Variants in COLEC12 observed in about 807,000 individuals in gnomAD.
The protein encoded by COLEC12 is collectin subfamily member 12.
A neutral mutation model predicts 71.1 loss-of-function variants in COLEC12; 33 were observed. The ratio of observed to expected loss-of-function variants is 0.46; its 90% CI spans 0.35 to 0.62. The LOEUF (loss-of-function observed/expected upper bound fraction) is 0.62, where lower values mean the gene tolerates loss of function less well. Among genes scored for constraint, COLEC12 ranks in the 20% least tolerant of loss-of-function variants. COLEC12 has a pLI of 0.00. For missense variants in COLEC12, 765 were observed against 916.1 expected (o/e 0.84, Z 2.13); for synonymous variants, 350 against 353.0 (o/e 0.99, Z 0.10).
rs1257210798 is a variant in COLEC12 at position 357,267 on chromosome 18, G to A, written c.181+133C>T. 5.0e-6 allele frequency: 4 copies of A among 800,758 alleles called. No homozygotes were observed. In the Admixed American group the frequency reaches 9.0e-5, roughly 18 times the overall value. 49.6% of individuals were successfully genotyped at this position (800,758 alleles called of 1,614,324 possible). A position where few individuals can be genotyped will look rare whatever the true frequency, so the allele number is the denominator to read the frequency against. On this transcript the variant is annotated intron_variant, in intron 3 of 9. Transcript: ENST00000400256. ...TGTAAGTTTAAGATACAGAGATGAA[G>A]TTTATCATGTTGTTATTTTGCATCT... is the stretch of plus-strand genomic sequence containing the variant.
At chr18:321,049 G>A (rs1344534693) in intron 9 of COLEC12, among the ~76,000 whole-genome samples, 2 of 152,100 alleles carry the variant, frequency 1.3e-5, no homozygotes, top group East Asian at 1.9e-4. Flanking sequence ...ACTAACATTG[G>A]TGCTATATCT....
At chr18:372,746 A>G (rs2143539652) in intron 2 of COLEC12, among the ~76,000 whole-genome samples, 1 of 152,252 alleles carries the variant, frequency 6.6e-6, no homozygotes, top group East Asian at 1.9e-4. Context: ...GACACAGGAT[A>G]ATATGATTCA....
chr18:499,745 C>T (rs79173492), intron 1 of COLEC12, among the ~76,000 whole-genome samples: 4,780 of 152,338 alleles, frequency 0.031, 134 homozygotes, highest in Non-Finnish European at 0.047. Flanking sequence ...CAGAAGGCTG[C>T]CCTGCAGTCC....
At chr18:464,134 T>C (rs1352013872) in intron 2 of COLEC12, among the ~76,000 whole-genome samples, 2 of 152,186 alleles carry the variant, frequency 1.3e-5, no homozygotes, top group African/African-American at 4.8e-5. Flanking sequence ...CAATTTCCTC[T>C]TGTCTGGACT....
At chr18:490,701 C>T (rs991099366) in intron 1 of COLEC12, among the ~76,000 whole-genome samples, 8 of 152,282 alleles carry the variant, frequency 5.3e-5, no homozygotes, top group Non-Finnish European at 8.8e-5. Context: ...GAAAATGCCC[C>T]CAAAGAGCCA....
In COLEC12 at chr18:348,086, C is replaced by T; in HGVS notation, c.259G>A (p.Glu87Lys). Residue 87 changes from glutamate to lysine, a missense_variant, in exon 4 of 10, where the codon GAA becomes AAA. Coordinates refer to ENST00000400256, the MANE Select transcript of COLEC12 (RefSeq NM_130386.3). ...TTACCTAATTTTTTCAGGTCACTTT[C>T]CACTGCTGTGAGCTTGTCATCATAG... ...QTYDDKLTAV[E>K]SDLKKLGDQT... 1 of 1,613,138 alleles carries T rather than the reference C, an allele frequency of 6.2e-7. No individual in the cohort carries two copies. Among genetic ancestry groups the T allele is most frequent in the Non-Finnish European group, 8.5e-7 (1 of 1,179,360 alleles).
At chr18:425,514 C>G (rs866977511) in intron 2 of COLEC12, among the ~76,000 whole-genome samples, 1 of 152,256 alleles carries the variant, frequency 6.6e-6, no homozygotes, top group Admixed American at 6.5e-5. Context: ...TCCTGAGAGT[C>G]CCCCCAGGCT....
rs1487697803 is a variant in COLEC12, at chr18:319,327, A to AT, written c.*717_*718insA. The AT allele has an allele frequency of 2.5e-4, 1 of 3,982 alleles. No individual in the cohort carries two copies. Among genetic ancestry groups the AT allele is most frequent in the African/African-American group, 3.8e-4 (1 of 2,646 alleles). 0.2% of individuals were successfully genotyped at this position (3,982 alleles called of 1,614,324 possible). ...CTCTGAGGAAATGAAACATTAAAAAAAAAAAAAAAAAAAAATATATATATA... is the reference window on the plus strand; with the variant it reads ...CTCTGAGGAAATGAAACATTAAAAAATAAAAAAAAAAAAAAATATATATATA... On this transcript the variant is annotated 3_prime_UTR_variant, in exon 10 of 10. Coordinates refer to ENST00000400256, the MANE Select transcript of COLEC12 (RefSeq NM_130386.3).
chr18:434,119 A>C (rs1272627657), intron 2 of COLEC12, among the ~76,000 whole-genome samples: 1 of 152,254 alleles, frequency 6.6e-6, no homozygotes, highest in Non-Finnish European at 1.5e-5. Context: ...CATTACGCTT[A>C]TATGAGGTCA....
Position 473,193 on chromosome 18 carries a change from C to T in COLEC12, c.58+7514G>A, listed in dbSNP as rs541438070. ...CTTGCTTCCTGGGCACCACCTCCCC[C>T]GCAAGCCCACAGTGTAGACTGAACA... On this transcript the variant is annotated intron_variant, in intron 2 of 9. Coordinates refer to ENST00000400256, the MANE Select transcript of COLEC12 (RefSeq NM_130386.3). Among the ~76,000 whole-genome samples the T allele has an allele frequency of 1.1e-3, 161 of 152,168 alleles. 1 individual carries two copies. The highest frequency in any genetic ancestry group is 1.1e-3 in the Non-Finnish European group (73 of 68,004).
In COLEC12 at chr18:331,742, GCT is replaced by G; in HGVS notation, c.1987_1988del (p.Ser663ProfsTer11). 1 of 1,613,822 alleles carries G rather than the reference GCT, an allele frequency of 6.2e-7. No homozygotes were observed. The highest frequency in any genetic ancestry group is 8.5e-7 in the Non-Finnish European group (1 of 1,179,708). ...WIKKQMVGRESHWIGLTDSER... is the reference protein window; with the variant it reads ...WIKKQMVGREXHWIGLTDSER... The stretch of plus-strand genomic sequence containing the variant: ...CTGAGTCTGTGAGGCCGATCCAGTG[GCT>G]CTCTCTCCCTACCATCTGTTTTTTT... On this transcript the variant is annotated frameshift_variant, in exon 8 of 10. Coordinates refer to ENST00000400256, the MANE Select transcript of COLEC12 (RefSeq NM_130386.3). LOFTEE classifies it high-confidence loss of function.
rs1053359455 is a variant in COLEC12 at position 362,904 on chromosome 18, C to T, written c.59-5382G>A. Among the ~76,000 whole-genome samples, 7 of 152,194 alleles carry T rather than the reference C, an allele frequency of 4.6e-5. No individual in the cohort carries two copies. The highest frequency in any genetic ancestry group is 1.3e-4 in the Admixed American group (2 of 15,272). ...TGTGGGGGCCCAGTGAAGCCAAAATCGCTCTGGTTAACTCCTTGAGTATTC... is the reference window on the plus strand; with the variant it reads ...TGTGGGGGCCCAGTGAAGCCAAAATTGCTCTGGTTAACTCCTTGAGTATTC... On this transcript the variant is annotated intron_variant, in intron 2 of 9. Coordinates refer to ENST00000400256, the MANE Select transcript of COLEC12 (RefSeq NM_130386.3). The surrounding 1 kb of genome is among the most constrained non-coding windows in gnomAD (Gnocchi z 4.6).
chr18:423,368 AG>A (rs1362465223), intron 2 of COLEC12, among the ~76,000 whole-genome samples: 1 of 152,192 alleles, frequency 6.6e-6, no homozygotes, highest in African/African-American at 2.4e-5. Flanking sequence ...ATTTCCCTCA[AG>A]TCTAGAATAC....
At chr18:487,705 A>G (rs1445980326) in intron 1 of COLEC12, among the ~76,000 whole-genome samples, 1 of 152,262 alleles carries the variant, frequency 6.6e-6, no homozygotes, top group African/African-American at 2.4e-5. Context: ...ACTTAGCCAG[A>G]AAGTCCCCTC....
chr18:420,749 C>T (rs1006966065), intron 2 of COLEC12, among the ~76,000 whole-genome samples: 3 of 152,148 alleles, frequency 2.0e-5, no homozygotes, highest in African/African-American at 7.2e-5. Context: ...GATGTTTTAA[C>T]ATCCTTAAAA....
chr18:489,416 T>A (rs1419062679), intron 1 of COLEC12, among the ~76,000 whole-genome samples: 1 of 152,192 alleles, frequency 6.6e-6, no homozygotes, highest in African/African-American at 2.4e-5. Flanking sequence ...ACCCAGTGTG[T>A]GTGCATGTGT....
In COLEC12 at chr18:365,514, A is replaced by G. The variant is rs1914835697; in HGVS notation, c.59-7992T>C. ...TTCTTTTGAAGTTCTAGTATGCTTG[A>G]AATGAACCCCAAAAGCCAGTCTTCA... On this transcript the variant is annotated intron_variant, in intron 2 of 9. Transcript: ENST00000400256. 4.6e-5 allele frequency among the ~76,000 whole-genome samples: 7 copies of G among 152,310 alleles called. No homozygotes were observed. The Middle Eastern group carries it at 0.02, about 444-fold the overall frequency.
intron 5 of COLEC12, among the ~76,000 whole-genome samples, chr18:336,463 G>A (rs1914121616): frequency 6.6e-6 from 1 of 152,178 alleles, no homozygotes; most frequent in Admixed American, 6.5e-5. Flanking sequence ...TGTAACACAG[G>A]ATTGTTTTTC....
At chr18:454,713 CCTCT>C (rs762793726) in intron 2 of COLEC12, among the ~76,000 whole-genome samples, 2 of 152,044 alleles carry the variant, frequency 1.3e-5, no homozygotes, top group Admixed American at 1.3e-4. Flanking sequence ...AATAGCCACT[CCTCT>C]CTATTGCTCC....
Sources: allele counts gnomAD v4.1 joint callset (sites outside exome capture counted in the v4.1 genomes callset), GRCh38; gene constraint gnomAD v4.1.1; non-coding constraint Gnocchi (gnomAD v3.1); transcripts MANE v1.5; gene names NCBI Gene and HGNC (gene_info 2026-07-23, HGNC 2026-07-21).